The following GMPS variants were observed in gnomAD, a reference collection of about 807,000 sequenced individuals.
GMPS encodes the protein GMP synthase [glutamine-hydrolyzing].
Under a neutral mutation model 77.9 loss-of-function variants are expected in GMPS, and 15 were observed. That is an observed-to-expected ratio of 0.19 (90% CI 0.13 to 0.30). The LOEUF is 0.30. GMPS is among the 10% of genes least tolerant of loss of function. The pLI is 1.00. For synonymous variants in GMPS, 224 were observed against 275.9 expected, an observed-to-expected ratio of 0.81 and a Z score of 1.86; for missense variants, 590 against 838.8, an observed-to-expected ratio of 0.70 and a Z score of 3.66.
At chr3:155,896,108 C>T (rs1202498259) in intron 2 of GMPS, among the ~76,000 whole-genome samples, 1 of 151,748 alleles carries the variant, frequency 6.6e-6, no homozygotes, top group African/African-American at 2.4e-5. Context: ...CTCCCAGGTT[C>T]ACACCATTCT....
At chr3:155,877,926 A>G (rs997058496) in intron 1 of GMPS, among the ~76,000 whole-genome samples, 11 of 150,434 alleles carry the variant, frequency 7.3e-5, no homozygotes, top group African/African-American at 2.2e-4. Context: ...GGCATGCGCC[A>G]CCATGCCCAG....
At position 155,910,853 on chromosome 3, in the gene GMPS, A is replaced by T. The variant is rs1755019326; in HGVS notation, c.688A>T (p.Ile230Phe). 4 of 1,598,964 alleles carry T rather than the reference A, an allele frequency of 2.5e-6. No homozygotes were observed. The highest frequency in any genetic ancestry group is 3.4e-6 in the Non-Finnish European group (4 of 1,175,576). The part of the protein sequence containing the change: ...QNRELECIRE[I>F]KERVGTSKVL... ...CAGAGAACTTGAGTGTATTCGAGAG[A>T]TCAAAGAGAGAGTAGGCACGTCAAA... is the stretch of plus-strand genomic sequence containing the variant. The change falls in exon 6 of 16, where the codon ATC becomes TTC. Residue 230 changes from isoleucine to phenylalanine, a missense_variant. This residue lies in a region of GMPS where 181 missense variants were observed against 186.8 expected (regional missense o/e 0.97). Transcript: ENST00000496455.
rs190761927 is a variant in GMPS at position 155,891,837 on chromosome 3, C to T, written c.28-1681C>T. 1.7e-3 allele frequency among the ~76,000 whole-genome samples: 260 copies of T among 152,140 alleles called. 1 individual carries two copies. The highest frequency in any genetic ancestry group is 2.7e-3 in the Non-Finnish European group (183 of 67,984). ...GTCAGGCTGGTCTTGAACTCCTGAC[C>T]TCAGGTGATCCACCTGCCTCGGCCT... On this transcript the variant is annotated intron_variant, in intron 1 of 15. Coordinates refer to ENST00000496455, the MANE Select transcript of GMPS (RefSeq NM_003875.3).
intron 1 of GMPS, among the ~76,000 whole-genome samples, chr3:155,881,176 T>G (rs958044319): frequency 2.1e-5 from 3 of 145,184 alleles, no homozygotes; most frequent in Non-Finnish European, 4.5e-5. Context: ...TTTTTTTTTT[T>G]TTTTTTTTTT....
chr3:155,892,031 T>G (rs1754484925), intron 1 of GMPS, among the ~76,000 whole-genome samples: 1 of 152,166 alleles, frequency 6.6e-6, no homozygotes, highest in Admixed American at 6.5e-5. Context: ...AGGACTGACT[T>G]AAGGTTTTTA....
chr3:155,887,790 C>T lies in GMPS; in HGVS notation c.28-5728C>T, dbSNP rs115071263. On this transcript the variant is annotated intron_variant, in intron 1 of 15. Transcript: ENST00000496455. The stretch of plus-strand genomic sequence containing the variant: ...GGAGTGAAAGGTATACAGTTTAAGT[C>T]GTTCAGGTGGAAAAAGTGTATGTAG... Among the ~76,000 whole-genome samples, 370 of 151,308 alleles carry T rather than the reference C, an allele frequency of 2.4e-3. 3 individuals carry two copies. Among genetic ancestry groups the T allele is most frequent in the African/African-American group, 8.6e-3 (358 of 41,392 alleles).
intron 2 of GMPS, among the ~76,000 whole-genome samples, chr3:155,894,501 G>C (rs139294853): frequency 0.014 from 2,067 of 152,188 alleles, 40 homozygotes; most frequent in African/African-American, 0.048. Context: ...TGGGATTACC[G>C]GCGTGAGCCA....
chr3:155,869,614 G>A (rs969933432), upstream of GMPS, among the ~76,000 whole-genome samples: 1 of 152,166 alleles, frequency 6.6e-6, no homozygotes, highest in African/African-American at 2.4e-5. Flanking sequence ...TATATACTGA[G>A]AGGCACATTA....
At chr3:155,892,733 G>A (rs1204484137) in intron 1 of GMPS, among the ~76,000 whole-genome samples, 1 of 152,224 alleles carries the variant, frequency 6.6e-6, no homozygotes, top group African/African-American at 2.4e-5. Flanking sequence ...CGGGGTTCAA[G>A]CGATTCTCCT....
intron 12 of GMPS, among the ~76,000 whole-genome samples, chr3:155,928,189 G>C (rs1755505198): frequency 6.6e-6 from 1 of 151,874 alleles, no homozygotes; most frequent in South Asian, 2.1e-4. Flanking sequence ...GCCATACCTG[G>C]ATAATTTTTT....
intron 4 of GMPS, among the ~76,000 whole-genome samples, chr3:155,904,589 G>A (rs968577887): frequency 6.6e-6 from 1 of 152,006 alleles, no homozygotes; most frequent in African/African-American, 2.4e-5. Context: ...GCACCCTGCC[G>A]AAGATTATTA....
At chr3:155,895,466 A>G (rs1754580915) in intron 2 of GMPS, 1 of 152,056 alleles carries the variant, frequency 6.6e-6, no homozygotes, top group Non-Finnish European at 1.5e-5. Context: ...ATGTGCTGCC[A>G]TGCCTGGTTA....
intron 9 of GMPS, among the ~76,000 whole-genome samples, chr3:155,918,377 G>A (rs1036426485): frequency 6.6e-6 from 1 of 152,124 alleles, no homozygotes; most frequent in African/African-American, 2.4e-5. Flanking sequence ...GCTTGAACCT[G>A]GGAGGCAGAG....
rs538219542 is a variant in GMPS at position 155,919,289 on chromosome 3, C to T, written c.1269C>T (p.Gly423=). 1.3e-6 allele frequency: 2 copies of T among 1,597,902 alleles called. No individual in the cohort carries two copies. Among genetic ancestry groups the T allele is most frequent in the Admixed American group, 1.7e-5 (1 of 58,546 alleles). Residue 423 remains glycine (G), a synonymous_variant, in exon 10 of 16, where the codon GGC becomes GGT. Transcript: ENST00000496455. ...ATAAAGATGAAGTGAGAATTTTGGGCAGAGAACTTGGACTTCCAGAAGAGT... is the reference window on the plus strand; with the variant it reads ...ATAAAGATGAAGTGAGAATTTTGGGTAGAGAACTTGGACTTCCAGAAGAGT... ...DFHKDEVRIL[G]RELGLPEELV... is the part of the protein sequence containing the mutation.
Position 155,934,901 on chromosome 3 carries a change from CCT to C in GMPS, c.1677-12_1677-11del. The C allele has an allele frequency of 1.3e-6, 2 of 1,515,248 alleles. No homozygotes were observed. The highest frequency in any genetic ancestry group is 1.8e-6 in the Non-Finnish European group (2 of 1,092,202). The allele number at this position is 1,515,248 out of a possible 1,614,324, so 93.9% of individuals were successfully genotyped here. A position where few individuals can be genotyped will look rare whatever the true frequency, so the allele number is the denominator to read the frequency against. ...AAATGTAATTGCTGTATTATTTTTA[CCT>C]CTTTGTTTCCAGAGTTGTTTATATA... On this transcript the variant is annotated splice_polypyrimidine_tract_variant and intron_variant, in intron 13 of 15. Coordinates refer to ENST00000496455, the MANE Select transcript of GMPS (RefSeq NM_003875.3).
At position 155,931,822 on chromosome 3, in the gene GMPS, T is replaced by C; in HGVS notation, c.1618T>C (p.Trp540Arg). Residue 540 changes from tryptophan (W) to arginine (R), a missense_variant, in exon 13 of 16, where the codon TGG becomes CGG. Transcript: ENST00000496455. Reference sequence around the variant, plus strand: ...AATCTCCAGTAAAGATGAACCTGACTGGGAATCACTTATTTTTCTGGCTAG... The same window carrying C: ...AATCTCCAGTAAAGATGAACCTGACCGGGAATCACTTATTTTTCTGGCTAG... ...CGISSKDEPD[W>R]ESLIFLARLI... 6.2e-7 allele frequency: 1 copy of C among 1,600,844 alleles called. No individual in the cohort carries two copies. Among genetic ancestry groups the C allele is most frequent in the Non-Finnish European group, 8.6e-7 (1 of 1,168,254 alleles).
rs567230138 is a variant in GMPS, at chr3:155,943,704, A to G, written c.*6012A>G. On this transcript the variant is annotated 3_prime_UTR_variant, in exon 16 of 16. Coordinates refer to ENST00000496455, the MANE Select transcript of GMPS (RefSeq NM_003875.3). ...ATGACTTTAATCCCTTTTGTCTTCA[A>G]TATACTTCATAAAGGAGGAAATGAT... is the stretch of plus-strand genomic sequence containing the variant. The G allele has an allele frequency of 8.4e-4, 143 of 169,754 alleles. No homozygotes were observed. The highest frequency in any genetic ancestry group is 1.5e-3 in the Non-Finnish European group (115 of 77,894). 10.5% of individuals were successfully genotyped at this position (169,754 alleles called of 1,614,324 possible).
intron 7 of GMPS, 133 bp from the exon 8 acceptor site, chr3:155,914,286 C>T: frequency 1.9e-6 from 1 of 521,832 alleles, no homozygotes; most frequent in Non-Finnish European, 3.1e-6. Context: ...AATTTGTAGG[C>T]AGATTTAGGG....
At chr3:155,936,539 GT>G (rs1336421839) in intron 15 of GMPS, 29 bp downstream of exon 15, 15 of 1,290,392 alleles carry the variant, frequency 1.2e-5, no homozygotes, top group Middle Eastern at 1.9e-4. Context: ...TCTAATGCAC[GT>G]TCTCAGTACC....
Sources: allele counts gnomAD v4.1 joint callset (sites outside exome capture counted in the v4.1 genomes callset), GRCh38; gene constraint gnomAD v4.1.1; regional missense constraint gnomAD v4.1.1; transcripts MANE v1.5; gene names NCBI Gene and HGNC (gene_info 2026-07-23, HGNC 2026-07-21).